Variants in CCDC3 observed in about 807,000 individuals in gnomAD.
CCDC3 encodes the protein coiled-coil domain-containing protein 3.
Under a neutral mutation model 21.4 loss-of-function variants are expected in CCDC3, and 24 were observed. That is an observed-to-expected ratio of 1.12 (90% CI 0.81 to 1.58). CCDC3 has a LOEUF of 1.58. CCDC3 is among the 40% of genes most tolerant of loss of function. The pLI is 0.00. For missense variants in CCDC3, 425 were observed against 360.9 expected, an observed-to-expected ratio of 1.18 and a Z score of -1.44; for synonymous variants, 186 against 166.0, an observed-to-expected ratio of 1.12 and a Z score of -0.93.
chr10:13,042,839 G>C (rs1836477503), intron 5 of CCDC3, among the ~76,000 whole-genome samples: 1 of 149,560 alleles, frequency 6.7e-6, no homozygotes, highest in Non-Finnish European at 1.5e-5. Flanking sequence ...AACCTGGGAG[G>C]TGGAGCTTGC....
intron 2 of CCDC3, among the ~76,000 whole-genome samples, chr10:12,915,813 T>A (rs4750282): frequency 2.6e-5 from 4 of 152,100 alleles, no homozygotes; most frequent in African/African-American, 9.7e-5. Flanking sequence ...TGGTGGACCT[T>A]GACCCTGGAT....
At chr10:12,994,846 T>A (rs1159255752) in intron 2 of CCDC3, among the ~76,000 whole-genome samples, 1 of 152,042 alleles carries the variant, frequency 6.6e-6, no homozygotes, top group Non-Finnish European at 1.5e-5. Context: ...TTTGGGAGGC[T>A]GAGGCAGGTG....
At chr10:12,960,460 C>A (rs1166964456) in intron 2 of CCDC3, among the ~76,000 whole-genome samples, 1 of 152,122 alleles carries the variant, frequency 6.6e-6, no homozygotes, top group Non-Finnish European at 1.5e-5. Context: ...CAAGGCTTAT[C>A]TGCCTGTTGG....
rs571111462 is a variant in CCDC3 at position 13,039,340 on chromosome 10, T to C, written c.-2+10334A>G. Among the ~76,000 whole-genome samples, 63 of 152,130 alleles carry C rather than the reference T, an allele frequency of 4.1e-4. 3 individuals carry two copies. The South Asian group carries it at 0.013, about 31-fold the overall frequency. On this transcript the variant is annotated intron_variant, in intron 5 of 6. Coordinates refer to the CCDC3 transcript ENST00000378839. Reference sequence around the variant, plus strand: ...CAGGAGGCTGAGGCAGGAGAACCACTTGAACCTGGGAGGCGGAGGTTTCAG... The same window carrying C: ...CAGGAGGCTGAGGCAGGAGAACCACCTGAACCTGGGAGGCGGAGGTTTCAG...
intron 3 of CCDC3, among the ~76,000 whole-genome samples, chr10:13,084,464 T>G (rs1043533854): frequency 1.7e-4 from 26 of 152,218 alleles, no homozygotes; most frequent in Non-Finnish European, 1.3e-4. Flanking sequence ...AATTTTGTAT[T>G]TTTAATAGAG....
chr10:13,093,668 G>A (rs1057336768), intron 3 of CCDC3, among the ~76,000 whole-genome samples: 1 of 152,058 alleles, frequency 6.6e-6, no homozygotes, highest in Non-Finnish European at 1.5e-5. Flanking sequence ...GCCTAGGGGT[G>A]AGTTCTCAGG....
At chr10:12,899,286 T>C (rs1834058691) in intron 2 of CCDC3, among the ~76,000 whole-genome samples, 1 of 152,006 alleles carries the variant, frequency 6.6e-6, no homozygotes, top group African/African-American at 2.4e-5. Flanking sequence ...AAAAAACAAA[T>C]GAAAGCCATG....
intron 2 of CCDC3, among the ~76,000 whole-genome samples, chr10:12,963,313 C>T (rs1835207828): frequency 6.6e-6 from 1 of 152,184 alleles, no homozygotes; most frequent in Non-Finnish European, 1.5e-5. Flanking sequence ...ATCTCTCTTC[C>T]TCTATCTCTA....
At chr10:12,944,845 A>G (rs923360527) in intron 2 of CCDC3, among the ~76,000 whole-genome samples, 8 of 152,240 alleles carry the variant, frequency 5.3e-5, no homozygotes, top group African/African-American at 1.9e-4. Context: ...ATCCAAGTAT[A>G]ATTGTTAAGA....
chr10:13,054,296 C>A (rs920467330), intron 4 of CCDC3, among the ~76,000 whole-genome samples: 2 of 152,106 alleles, frequency 1.3e-5, no homozygotes, highest in Non-Finnish European at 2.9e-5. Flanking sequence ...TGTACTTGAG[C>A]TGCCTCTGCC....
At chr10:12,899,428 A>AT (rs1222559866) in intron 2 of CCDC3, among the ~76,000 whole-genome samples, 1 of 152,236 alleles carries the variant, frequency 6.6e-6, no homozygotes, top group Non-Finnish European at 1.5e-5. Context: ...AAATAACTGC[A>AT]TATACCCTTT....
chr10:13,099,062 C>G (rs1334325583), intron 2 of CCDC3: 3 of 152,220 alleles, frequency 2.0e-5, no homozygotes, highest in Non-Finnish European at 2.9e-5. Context: ...CTATTTCTCC[C>G]CACTCCCACC....
chr10:13,033,602 G>T (rs1229800393), intron 5 of CCDC3, among the ~76,000 whole-genome samples: 1 of 152,046 alleles, frequency 6.6e-6, no homozygotes, highest in Non-Finnish European at 1.5e-5. Flanking sequence ...TCTGACAAAG[G>T]CCTAATATCC....
At chr10:12,918,296 C>T (rs570132817) in intron 2 of CCDC3, among the ~76,000 whole-genome samples, 136 of 152,162 alleles carry the variant, frequency 8.9e-4, no homozygotes, top group Non-Finnish European at 6.9e-4. Flanking sequence ...TCTTGGCCAA[C>T]GTTTTTAAAA....
At chr10:12,898,771 C>T in intron 2 of CCDC3, 92 bp from the exon 3 acceptor site, 1 of 1,450,456 alleles carries the variant, frequency 6.9e-7, no homozygotes, top group African/African-American at 1.4e-5. Flanking sequence ...CGAGTGCTGA[C>T]AGCAACACAG....
At chr10:12,908,163 G>T (rs962252324) in intron 2 of CCDC3, among the ~76,000 whole-genome samples, 2 of 152,152 alleles carry the variant, frequency 1.3e-5, no homozygotes, top group East Asian at 1.9e-4. Context: ...TACTACAAAG[G>T]TTTCCCAAAA....
intron 3 of CCDC3, among the ~76,000 whole-genome samples, chr10:13,086,313 TAATC>T: frequency 6.6e-6 from 1 of 152,354 alleles, no homozygotes; most frequent in Admixed American, 6.5e-5. Flanking sequence ...AGTAGATGAA[TAATC>T]ATTCTTTTGA....
Position 12,997,058 on chromosome 10 carries a change from C to T in CCDC3, c.549+1280G>A, listed in dbSNP as rs531400260. ...CCCACGTCATAAACCTACACACGTA[C>T]CCCCTGAACCTAAAATAAAAGTTGG... On this transcript the variant is annotated intron_variant, in intron 2 of 2. Coordinates refer to ENST00000378825, the MANE Select transcript of CCDC3 (RefSeq NM_031455.4). 2.0e-5 allele frequency among the ~76,000 whole-genome samples: 3 copies of T among 152,056 alleles called. No homozygotes were observed. The East Asian group carries it at 5.8e-4, about 29-fold the overall frequency.
Position 12,920,197 on chromosome 10 carries a change from C to T in CCDC3, c.550-21518G>A, listed in dbSNP as rs144067879. 1.2e-3 allele frequency among the ~76,000 whole-genome samples: 181 copies of T among 152,140 alleles called. 2 individuals are homozygous for T. The highest frequency in any genetic ancestry group is 4.0e-3 in the African/African-American group (167 of 41,502). On this transcript the variant is annotated intron_variant, in intron 2 of 2. Transcript: ENST00000378825. ...AAGGTGAAAGGCACGTCTTACATGG[C>T]GGCAGGCACGAGAGAATGAGAGCCA...
Sources: gnomAD v4.1 joint callset for allele counts (sites outside exome capture counted in the v4.1 genomes callset) on GRCh38, gnomAD v4.1.1 for gene constraint, MANE v1.5 for transcripts, NCBI Gene and HGNC (gene_info 2026-07-23, HGNC 2026-07-21) for gene names.